The following RECK variants were observed in gnomAD, a reference collection of about 807,000 sequenced individuals.
RECK encodes reversion inducing cysteine rich protein with kazal motifs.
RECK carries 69 observed loss-of-function variants against 115.1 expected under a neutral mutation model. The observed-to-expected ratio is 0.60, with a 90% CI of 0.49 to 0.73. RECK has a LOEUF of 0.73. Ranked by LOEUF, RECK falls within the 30% of genes least tolerant of loss-of-function variation. RECK has a pLI of 0.00. For synonymous variants in RECK, 414 were observed against 419.7 expected (o/e 0.99, Z 0.17); for missense variants, 1,047 against 1,203.7 (o/e 0.87, Z 1.93).
At chr9:36,114,469 A>G (rs1435753880) in intron 16 of RECK, among the ~76,000 whole-genome samples, 2 of 152,198 alleles carry the variant, frequency 1.3e-5, no homozygotes, top group African/African-American at 2.4e-5. Flanking sequence ...TACATTCTCT[A>G]TGGAGGGCAG....
At chr9:36,116,912 C>A in intron 16 of RECK, 73 bp from the exon 17 acceptor site, 1 of 1,214,168 alleles carries the variant, frequency 8.2e-7, no homozygotes, top group Non-Finnish European at 1.2e-6. Context: ...TCCTATCCCT[C>A]ATCTAGTGCT....
chr9:36,122,808 T>C lies in RECK; in HGVS notation c.2695-16T>C. On this transcript the variant is annotated splice_polypyrimidine_tract_variant and intron_variant, in intron 20 of 20. Transcript: ENST00000377966. ...TCTGTGGTTTTATATTAAGGGAACC[T>C]TGTTTCTCCTCACAGATTGAAGCCT... 6 of 1,607,344 alleles carry C rather than the reference T, an allele frequency of 3.7e-6. No homozygotes were observed. Among genetic ancestry groups the C allele is most frequent in the African/African-American group, 1.3e-5 (1 of 74,846 alleles).
At chr9:36,056,956 T>A (rs1414002757) in intron 2 of RECK, 1 of 985,174 alleles carries the variant, frequency 1.0e-6, no homozygotes, top group Non-Finnish European at 1.2e-6. Context: ...TAACTGGAGA[T>A]AAATCCTTTT....
At chr9:36,090,132 G>A (rs941739233) in intron 9 of RECK, among the ~76,000 whole-genome samples, 1 of 151,888 alleles carries the variant, frequency 6.6e-6, no homozygotes, top group Non-Finnish European at 1.5e-5. Context: ...CTCCAGACTG[G>A]GTGACAGAGT....
At chr9:36,083,604 A>T (rs754623340) in intron 8 of RECK, 42 bp downstream of exon 8, 2 of 1,579,024 alleles carry the variant, frequency 1.3e-6, no homozygotes, top group South Asian at 2.3e-5. Flanking sequence ...AATCTTTGGT[A>T]AAATCGTTTG....
chr9:36,065,188 A>G (rs1324067427), intron 5 of RECK, among the ~76,000 whole-genome samples: 2 of 147,124 alleles, frequency 1.4e-5, no homozygotes, highest in Non-Finnish European at 3.0e-5. Flanking sequence ...ATGCCCTGGC[A>G]GAGCTTCACA....
At chr9:36,102,809 AG>A (rs1823611907) in intron 12 of RECK, among the ~76,000 whole-genome samples, 1 of 151,830 alleles carries the variant, frequency 6.6e-6, no homozygotes, top group Non-Finnish European at 1.5e-5. Context: ...CAAAAAAATC[AG>A]CCAGGCGTGG....
chr9:36,109,399 G>A (rs1823944933), intron 14 of RECK, among the ~76,000 whole-genome samples: 1 of 152,226 alleles, frequency 6.6e-6, no homozygotes, highest in Non-Finnish European at 1.5e-5. Context: ...AGCTTTCAAA[G>A]CAGAAGGGGC....
At chr9:36,075,936 T>A (rs1042468046) in intron 6 of RECK, among the ~76,000 whole-genome samples, 6 of 152,212 alleles carry the variant, frequency 3.9e-5, no homozygotes, top group African/African-American at 1.4e-4. Context: ...ATCAGTGTTT[T>A]GTTGTCATCA....
intron 12 of RECK, among the ~76,000 whole-genome samples, chr9:36,104,755 C>T (rs555218203): frequency 3.9e-5 from 6 of 151,980 alleles, no homozygotes; most frequent in Non-Finnish European, 7.4e-5. Flanking sequence ...GTGATCCGCC[C>T]GCCTCAGCCT....
rs756500044 is a variant in RECK at position 36,109,967 on chromosome 9, A to C, written c.1776A>C (p.Thr592=). Residue 592 remains threonine (T), a synonymous_variant, in exon 15 of 21, where the codon ACA becomes ACC. Transcript: ENST00000377966. ...IVGGKRKSHG[T]SFSIDCNVCS... is the part of the protein sequence containing the mutation. ...TTCTGTTTCTGTCAGGTCATGGAAC[A>C]TCCTTTAGTATTGACTGCAATGTCT... 5.6e-6 allele frequency: 9 copies of C among 1,612,350 alleles called. No individual in the cohort carries two copies. In the Admixed American group the frequency reaches 6.7e-5, roughly 12 times the overall value.
intron 11 of RECK, 104 bp downstream of exon 11, chr9:36,100,647 C>A: frequency 3.8e-6 from 3 of 785,174 alleles, no homozygotes; most frequent in Non-Finnish European, 4.1e-6. Flanking sequence ...ACTTCCTTTG[C>A]CTATCACCCC....
rs1056545041 is a variant in RECK, at chr9:36,119,960, C to T, written c.2465-703C>T. ...TAAAATTAAATTTGAATCGGTCGGGCGTGGTGGCTCACGCCTGTAATCCCA... is the reference window on the plus strand; with the variant it reads ...TAAAATTAAATTTGAATCGGTCGGGTGTGGTGGCTCACGCCTGTAATCCCA... On this transcript the variant is annotated intron_variant, in intron 18 of 20. Transcript: ENST00000377966. Among the ~76,000 whole-genome samples the T allele has an allele frequency of 3.3e-5, 5 of 152,104 alleles. No homozygotes were observed. In the East Asian group the frequency reaches 5.8e-4, roughly 18 times the overall value.
intron 1 of RECK, among the ~76,000 whole-genome samples, chr9:36,043,869 A>T (rs1398660606): frequency 6.6e-6 from 1 of 152,004 alleles, no homozygotes; most frequent in Non-Finnish European, 1.5e-5. Flanking sequence ...TTCTGTTCCT[A>T]TGTGCCTATT....
In RECK at chr9:36,123,020, T is replaced by C. The variant is rs140581680; in HGVS notation, c.2891T>C (p.Leu964Ser). ...CTTCCCCTCAGCTTGGGCCTTGCCT[T>C]GCACTTGCTCTGGACATATAACTGA... ...LLLPLSLGLA[L>S]HLLWTYN Residue 964 changes from leucine to serine, a missense_variant, in exon 21 of 21, where the codon TTG becomes TCG. Transcript: ENST00000377966. 13 of 1,614,130 alleles carry C rather than the reference T, an allele frequency of 8.1e-6. No homozygotes were observed. In the South Asian group the frequency reaches 1.2e-4, roughly 15 times the overall value.
At position 36,091,195 on chromosome 9, in the gene RECK, TG is replaced by T; in HGVS notation, c.941del (p.Gly314AlafsTer23). ...ELCTKLYSMS[W>X]GNTQSWQEFD... is the part of the protein sequence containing the mutation. ...CTGCACTAAACTTTACAGCATGAGC[TG>T]GGGCAATACACAGAGTTGGCAAGAG... On this transcript the variant is annotated frameshift_variant, in exon 10 of 21. Transcript: ENST00000377966. LOFTEE classifies it high-confidence loss of function. 6.2e-7 allele frequency: 1 copy of T among 1,614,100 alleles called. No homozygotes were observed. The highest frequency in any genetic ancestry group is 8.5e-7 in the Non-Finnish European group (1 of 1,179,964).
chr9:36,120,408 T>C (rs1011060864), intron 18 of RECK, among the ~76,000 whole-genome samples: 2 of 152,078 alleles, frequency 1.3e-5, no homozygotes, highest in Non-Finnish European at 2.9e-5. Context: ...GCCAGCTGTC[T>C]CTATGCTATC....
chr9:36,041,276 G>T (rs926840832), intron 1 of RECK, among the ~76,000 whole-genome samples: 3 of 152,182 alleles, frequency 2.0e-5, no homozygotes, highest in African/African-American at 7.2e-5. Context: ...TAGTATGATG[G>T]ATGCTGTAAA....
At position 36,091,303 on chromosome 9, in the gene RECK, G is replaced by A. The variant is rs1360606115; in HGVS notation, c.1045G>A (p.Gly349Ser). Residue 349 changes from glycine to serine, a missense_variant, in exon 10 of 21, where the codon GGC (glycine) becomes AGC (serine). Coordinates refer to ENST00000377966, the MANE Select transcript of RECK (RefSeq NM_021111.3). ...GGATGTCCGGGAACCTTGCCAGTTG[G>A]GCTGTAGAAACCTTACTTACTGTAC... ...LADVREPCQL[G>S]CRNLTYCTNF... 1.2e-6 allele frequency: 2 copies of A among 1,601,300 alleles called. No individual in the cohort carries two copies. Among genetic ancestry groups the A allele is most frequent in the African/African-American group, 1.3e-5 (1 of 74,240 alleles).
Sources: gnomAD v4.1 joint callset for allele counts (sites outside exome capture counted in the v4.1 genomes callset) on GRCh38, gnomAD v4.1.1 for gene constraint, MANE v1.5 for transcripts, NCBI Gene and HGNC (gene_info 2026-07-23, HGNC 2026-07-21) for gene names.